Variants in CHD9 observed in about 807,000 individuals in gnomAD.
CHD9 encodes ATP-dependent chromatin remodeler CHD9.
Under a neutral mutation model 316.1 loss-of-function variants are expected in CHD9, and 77 were observed. That is an observed-to-expected ratio of 0.24 (90% confidence interval 0.20 to 0.29). CHD9 has a LOEUF of 0.29. CHD9 is among the 10% of genes least tolerant of loss of function. The probability of loss-of-function intolerance (pLI) is 1.00; values close to 1 mark genes in which losing one functional copy is unlikely to be tolerated. For synonymous variants in CHD9, 1,129 were observed against 1,158.3 expected, an observed-to-expected ratio of 0.97 and a Z score of 0.51; for missense variants, 2,763 against 3,438.1, an observed-to-expected ratio of 0.80 and a Z score of 4.91.
chr16:53,212,764 T>C (rs182645632), intron 3 of CHD9, among the ~76,000 whole-genome samples: 2 of 152,310 alleles, frequency 1.3e-5, no homozygotes, highest in East Asian at 3.9e-4. Flanking sequence ...TCCAGTTTCA[T>C]CACTTACAAG....
chr16:53,278,729 A>AT (rs1188872886), intron 24 of CHD9, among the ~76,000 whole-genome samples: 1 of 152,228 alleles, frequency 6.6e-6, no homozygotes, highest in Non-Finnish European at 1.5e-5. Flanking sequence ...AAAAGAAGAC[A>AT]TTTATGCAGC....
intron 1 of CHD9, among the ~76,000 whole-genome samples, chr16:53,151,608 A>G (rs1313533880): frequency 6.6e-6 from 1 of 151,948 alleles, no homozygotes; most frequent in Non-Finnish European, 1.5e-5. Flanking sequence ...GGTAATTTCA[A>G]TTCTTCTATC....
rs933474364 is a variant in CHD9 at position 53,192,337 on chromosome 16, A to G, written c.1453-17145A>G. On this transcript the variant is annotated intron_variant, in intron 2 of 38. Coordinates refer to ENST00000447540, the MANE Select transcript of CHD9 (RefSeq NM_001308319.2). ...TAGGTACTATTTAGAGACTTAAATA[A>G]CAGTCATAGGACAGGACTTCAAGGG... Among the ~76,000 whole-genome samples, 2 of 152,242 alleles carry G rather than the reference A, an allele frequency of 1.3e-5. 1 individual carries two copies. The highest frequency in any genetic ancestry group is 1.3e-4 in the Admixed American group (2 of 15,292).
Position 53,308,671 on chromosome 16 carries a change from G to C in CHD9, c.7054-15G>C. ...TTTAACAGTTTCTGTCTTAATAATG[G>C]TATTTGTTTAACAGGAAGGTGGTTT... On this transcript the variant is annotated splice_polypyrimidine_tract_variant and intron_variant, in intron 33 of 38. Transcript: ENST00000447540. 6.3e-7 allele frequency: 1 copy of C among 1,595,682 alleles called. No individual in the cohort carries two copies. The highest frequency in any genetic ancestry group is 8.6e-7 in the Non-Finnish European group (1 of 1,166,412).
At chr16:53,194,783 G>A (rs1052164128) in intron 2 of CHD9, among the ~76,000 whole-genome samples, 2 of 152,086 alleles carry the variant, frequency 1.3e-5, no homozygotes, top group Admixed American at 6.5e-5. Context: ...ACTGATTAAG[G>A]TAATTCTCAG....
chr16:53,156,274 A>T lies in CHD9; in HGVS notation c.185A>T (p.His62Leu). 6.2e-7 allele frequency: 1 copy of T among 1,614,016 alleles called. No individual in the cohort carries two copies. The highest frequency in any genetic ancestry group is 1.1e-5 in the South Asian group (1 of 91,088). Residue 62 changes from histidine (H) to leucine (L), a missense_variant, in exon 2 of 39, where the codon CAT (histidine) becomes CTT (leucine). By Grantham distance (99) the His-to-Leu change is moderately conservative. Coordinates refer to ENST00000447540, the MANE Select transcript of CHD9 (RefSeq NM_001308319.2). ...SLNHVQGTPT[H>L]QKMTDFEQLN... The stretch of plus-strand genomic sequence containing the variant: ...AACCATGTTCAAGGTACTCCAACAC[A>T]TCAGAAGATGACTGATTTTGAACAG...
chr16:53,186,306 A>G (rs966196926), intron 2 of CHD9, among the ~76,000 whole-genome samples: 1 of 152,214 alleles, frequency 6.6e-6, no homozygotes. Flanking sequence ...TTAAGGTTTA[A>G]TGACCATCCT....
Position 53,304,607 on chromosome 16 carries a change from G to A in CHD9, c.6601G>A (p.Glu2201Lys), listed in dbSNP as rs778083494. The A allele has an allele frequency of 6.5e-6, 10 of 1,547,490 alleles. No homozygotes were observed. The African/African-American group carries it at 9.6e-5, about 15-fold the overall frequency. ...ATCAGAAGAAAGTGACAGTGATGAAGAAGAAGCCCAAAAACGAGGTACTAT... is the reference window on the plus strand; with the variant it reads ...ATCAGAAGAAAGTGACAGTGATGAAAAAGAAGCCCAAAAACGAGGTACTAT... ...SSSEESDSDE[E>K]EAQKRESTTH... Residue 2201 changes from glutamate (E) to lysine (K), a missense_variant, in exon 31 of 39, where the codon GAA (glutamate) becomes AAA (lysine). Physicochemically the swap from Glu to Lys is moderately conservative, Grantham distance 56 (BLOSUM62 1). Around this residue, in one of 15 missense-constraint regions of CHD9, gnomAD observed 663 missense variants for 751.2 expected, o/e 0.88. Coordinates refer to ENST00000447540, the MANE Select transcript of CHD9 (RefSeq NM_001308319.2).
At chr16:53,082,215 TATTTATTTA>T (rs1331816576) in intron 1 of CHD9, among the ~76,000 whole-genome samples, 1 of 149,508 alleles carries the variant, frequency 6.7e-6, no homozygotes, top group Non-Finnish European at 1.5e-5. Flanking sequence ...TTTATTTATT[TATTTATTTA>T]TTTATTTATT....
At chr16:53,099,078 A>G (rs968217203) in intron 1 of CHD9, 1 of 152,292 alleles carries the variant, frequency 6.6e-6, no homozygotes, top group African/African-American at 2.4e-5. Flanking sequence ...GTGGGAGGTG[A>G]GGGTGGCCGC....
chr16:53,091,029 T>C (rs1474108024), intron 1 of CHD9, among the ~76,000 whole-genome samples: 3 of 151,358 alleles, frequency 2.0e-5, no homozygotes, highest in Non-Finnish European at 4.4e-5. Flanking sequence ...GCGGTGAGGC[T>C]CAGCTTCCTT....
At chr16:53,136,105 T>G (rs1271020190) in intron 1 of CHD9, among the ~76,000 whole-genome samples, 1 of 152,182 alleles carries the variant, frequency 6.6e-6, no homozygotes, top group East Asian at 1.9e-4. Flanking sequence ...AGTTCAGTCA[T>G]TACTAGCTAT....
At chr16:53,077,320 T>G (rs1019550401) in intron 1 of CHD9, among the ~76,000 whole-genome samples, 1 of 150,994 alleles carries the variant, frequency 6.6e-6, no homozygotes, top group Non-Finnish European at 1.5e-5. Context: ...ATTTTATTTT[T>G]TAAATTCATT....
intron 29 of CHD9, among the ~76,000 whole-genome samples, chr16:53,296,434 ATTTTTTT>A (rs35618799): frequency 6.9e-5 from 7 of 101,764 alleles, no homozygotes; most frequent in Admixed American, 3.4e-4. Context: ...TTAAAAGTAA[ATTTTTTT>A]TTTTTTTTTT....
intron 1 of CHD9, among the ~76,000 whole-genome samples, chr16:53,072,176 C>A (rs1040857801): frequency 3.3e-5 from 5 of 152,090 alleles, no homozygotes; most frequent in African/African-American, 1.2e-4. Flanking sequence ...AGCCGGAAGC[C>A]CCCCTCTGTC....
intron 29 of CHD9, among the ~76,000 whole-genome samples, chr16:53,295,026 C>T (rs2054651886): frequency 6.6e-6 from 1 of 152,108 alleles, no homozygotes; most frequent in African/African-American, 2.4e-5. Context: ...GACTTCATAC[C>T]CTAGCCTATA....
intron 31 of CHD9, 23 bp from the exon 32 acceptor site, chr16:53,306,214 A>G (rs1451121371): frequency 1.4e-6 from 2 of 1,404,380 alleles, no homozygotes; most frequent in Non-Finnish European, 1.9e-6. Flanking sequence ...TTTTTAAAAA[A>G]TGATTATAAT....
At chr16:53,233,238 G>C (rs1183596933) in intron 10 of CHD9, among the ~76,000 whole-genome samples, 1 of 152,152 alleles carries the variant, frequency 6.6e-6, no homozygotes, top group Non-Finnish European at 1.5e-5. Context: ...CCACCACTTT[G>C]GGTTTGATTA....
At position 53,077,698 on chromosome 16, in the gene CHD9, G is replaced by A. The variant is rs566311789; in HGVS notation, c.-165+22621G>A. 7.6e-4 allele frequency among the ~76,000 whole-genome samples: 116 copies of A among 152,236 alleles called. 1 individual carries two copies. The South Asian group carries it at 0.022, about 29-fold the overall frequency. Reference sequence around the variant, plus strand: ...TTACAATATGTAATGATTAAATCAGGCTAGTTGATGAATTCAGTACCTCAC... The same window carrying A: ...TTACAATATGTAATGATTAAATCAGACTAGTTGATGAATTCAGTACCTCAC... On this transcript the variant is annotated intron_variant, in intron 1 of 38. Transcript: ENST00000447540.
Sources: gnomAD v4.1 joint callset for allele counts (sites outside exome capture counted in the v4.1 genomes callset) on GRCh38, gnomAD v4.1.1 for gene constraint, gnomAD v4.1.1 regional missense constraint, MANE v1.5 for transcripts, NCBI Gene and HGNC (gene_info 2026-07-23, HGNC 2026-07-21) for gene names.